CACNB3: variants seen among roughly 807,000 people sequenced by gnomAD.
The protein encoded by CACNB3 is calcium voltage-gated channel auxiliary subunit beta 3.
In CACNB3, 36 loss-of-function variants were observed where a neutral mutation model predicts 63.7. The observed-to-expected ratio is 0.57, with a 90% CI of 0.43 to 0.75. CACNB3 has a LOEUF of 0.75. Among genes scored for constraint, CACNB3 ranks in the 30% least tolerant of loss-of-function variants. The pLI, the probability that CACNB3 is intolerant of heterozygous loss-of-function variation, is 0.00. For missense variants in CACNB3, 493 were observed against 648.6 expected (o/e 0.76, Z 2.61); for synonymous variants, 241 against 250.6 (o/e 0.96, Z 0.36).
At position 48,826,364 on chromosome 12, in the gene CACNB3, T is replaced by A; in HGVS notation, c.743-3T>A. 6.2e-7 allele frequency: 1 copy of A among 1,614,096 alleles called. No individual in the cohort carries two copies. The highest frequency in any genetic ancestry group is 8.5e-7 in the Non-Finnish European group (1 of 1,180,008). ...TGAGCACTGCTGCTGCCTCCCTCCA[T>A]AGCGGAAGTGCAGAGTGAGATCGAG... On this transcript the variant is annotated splice_region_variant and splice_polypyrimidine_tract_variant and intron_variant, in intron 9 of 12. Coordinates refer to ENST00000301050, the MANE Select transcript of CACNB3 (RefSeq NM_000725.4). This position sits in a 1 kb window ranked among gnomAD's most constrained non-coding sequence, Gnocchi z 4.8.
chr12:48,824,784 A>G, intron 5 of CACNB3, 51 bp downstream of exon 5: 1 of 1,574,832 alleles, frequency 6.3e-7, no homozygotes, highest in Non-Finnish European at 8.7e-7. Flanking sequence ...GCTAAGACAC[A>G]GGGAAAGAGG....
chr12:48,827,474 C>T (rs988443838), intron 12 of CACNB3, 111 bp from the exon 13 acceptor site: 27 of 1,073,012 alleles, frequency 2.5e-5, no homozygotes, highest in Non-Finnish European at 3.5e-5. Context: ...TTTCCTTGCA[C>T]TATTTCCTTT....
In CACNB3 at chr12:48,818,674, G is replaced by A. The variant is rs1405820212; in HGVS notation, c.-256G>A. The A allele has an allele frequency of 1.6e-6, 2 of 1,216,412 alleles. No homozygotes were observed. The highest frequency in any genetic ancestry group is 2.0e-6 in the Non-Finnish European group (2 of 977,622). 75.4% of individuals were successfully genotyped at this position (1,216,412 alleles called of 1,614,324 possible). Reference sequence around the variant, plus strand: ...GGCGGGCACTATTGTTGTAGGAGCCGGCGCCAGATTCCTCAGCCGCGCTCG... The same window carrying A: ...GGCGGGCACTATTGTTGTAGGAGCCAGCGCCAGATTCCTCAGCCGCGCTCG... On this transcript the variant is annotated 5_prime_UTR_variant, in exon 1 of 13. Transcript: ENST00000301050. The surrounding 1 kb of genome is among the most constrained non-coding windows in gnomAD (Gnocchi z 4.3).
chr12:48,818,663 T>G lies in CACNB3; in HGVS notation c.-267T>G. ...GGGGTCAGGTGGGCGGGCACTATTG[T>G]TGTAGGAGCCGGCGCCAGATTCCTC... is the stretch of plus-strand genomic sequence containing the variant. On this transcript the variant is annotated 5_prime_UTR_variant, in exon 1 of 13. Transcript: ENST00000301050. The surrounding 1 kb of genome is among the most constrained non-coding windows in gnomAD (Gnocchi z 4.3). 1 of 1,187,148 alleles carries G rather than the reference T, an allele frequency of 8.4e-7. No homozygotes were observed. The allele number at this position is 1,187,148 out of a possible 1,614,324, so 73.5% of individuals were successfully genotyped here.
chr12:48,824,704 G>C lies in CACNB3; in HGVS notation c.443G>C (p.Gly148Ala). The stretch of plus-strand genomic sequence containing the variant: ...AACCCTTCCAGCCTGAGTGACATTG[G>C]CAACCGACGCTCCCCTCCGCCATCT... ...SGNPSSLSDI[G>A]NRRSPPPSLA... The change falls in exon 5 of 13, where the codon GGC becomes GCC. Residue 148 changes from glycine (G) to alanine (A), a missense_variant. Physicochemically the swap from Gly to Ala is moderately conservative, Grantham distance 60 (BLOSUM62 0). Coordinates refer to ENST00000301050, the MANE Select transcript of CACNB3 (RefSeq NM_000725.4). The C allele has an allele frequency of 6.2e-7, 1 of 1,613,482 alleles. No individual in the cohort carries two copies. The highest frequency in any genetic ancestry group is 8.5e-7 in the Non-Finnish European group (1 of 1,179,880).
At chr12:48,815,599 G>C (rs376246550), upstream of CACNB3, 2 of 1,531,828 alleles carry the variant, frequency 1.3e-6, no homozygotes, top group Non-Finnish European at 1.7e-6. Context: ...GCGTGCAGGC[G>C]GGAGCAGCGT....
rs1015324087 is a variant in CACNB3 at position 48,819,890 on chromosome 12, T to C, written c.45+916T>C. The C allele has an allele frequency of 6.2e-5, 20 of 322,976 alleles. No individual in the cohort carries two copies. The Admixed American group carries it at 7.4e-4, about 12-fold the overall frequency. 20.0% of individuals were successfully genotyped at this position (322,976 alleles called of 1,614,324 possible). ...AGTGCCTGGAAAGATGGGGCAAGAA[T>C]GCGGAGCAGCTTCTCAGCCCCTTGG... On this transcript the variant is annotated intron_variant, in intron 1 of 12. Transcript: ENST00000301050.
chr12:48,825,320 G>A lies in CACNB3; in HGVS notation c.573+77G>A. The A allele has an allele frequency of 1.3e-6, 2 of 1,565,672 alleles. No homozygotes were observed. The highest frequency in any genetic ancestry group is 1.8e-6 in the Non-Finnish European group (2 of 1,137,218). ...GGAAGTCCCTAGGGAAAGTGGAAGG[G>A]GTGTGTCTCCTCCGTCCAGGGTGTG... On this transcript the variant is annotated intron_variant, in intron 7 of 12. Transcript: ENST00000301050. This position sits in a 1 kb window ranked among gnomAD's most constrained non-coding sequence, Gnocchi z 4.5.
chr12:48,819,363 G>A (rs1032033886), intron 1 of CACNB3, among the ~76,000 whole-genome samples: 8 of 152,112 alleles, frequency 5.3e-5, no homozygotes, highest in African/African-American at 1.7e-4. Context: ...GAGAGCCGCC[G>A]AGGTGGTTGG....
Position 48,826,477 on chromosome 12 carries a change from C to G in CACNB3, c.853C>G (p.Leu285Val), listed in dbSNP as rs1381397964. The change falls in exon 10 of 13, where the codon CTG becomes GTG. Residue 285 changes from leucine to valine, a missense_variant. Transcript: ENST00000301050. The surrounding 1 kb of genome is among the most constrained non-coding windows in gnomAD (Gnocchi z 4.8). ...CCCAGCACAGCTGGCCAAGACCTCG[C>G]TGGCCCCCATCATCGTCTTTGTCAA... ...NHPAQLAKTS[L>V]APIIVFVKVS... 1 of 1,614,072 alleles carries G rather than the reference C, an allele frequency of 6.2e-7. No homozygotes were observed. Among genetic ancestry groups the G allele is most frequent in the Non-Finnish European group, 8.5e-7 (1 of 1,180,028 alleles).
In CACNB3 at chr12:48,825,434, G is replaced by A; in HGVS notation, c.574G>A (p.Val192Ile). Reference sequence around the variant, plus strand: ...TCATCAGTGCCATGCCTTCCCCCAGGTCACAGACATGATGCAGAAGGCTCT... The same window carrying A: ...TCATCAGTGCCATGCCTTCCCCCAGATCACAGACATGATGCAGAAGGCTCT... ...LVGPSLKGYE[V>I]TDMMQKALFD... is the part of the protein sequence containing the mutation. The change falls in exon 8 of 13, where the codon GTC becomes ATC. Residue 192 changes from valine to isoleucine, a missense_variant and splice_region_variant. Coordinates refer to ENST00000301050, the MANE Select transcript of CACNB3 (RefSeq NM_000725.4). The surrounding 1 kb of genome is among the most constrained non-coding windows in gnomAD (Gnocchi z 4.5). 1 of 1,614,158 alleles carries A rather than the reference G, an allele frequency of 6.2e-7. No individual in the cohort carries two copies.
chr12:48,818,715 G>T lies in CACNB3; in HGVS notation c.-215G>T. ...GCCGCGCTCGGGGTGGGACCGGCTGGGTTTGGGGGGGTGGGGTGGGGGGAG... is the reference window on the plus strand; with the variant it reads ...GCCGCGCTCGGGGTGGGACCGGCTGTGTTTGGGGGGGTGGGGTGGGGGGAG... On this transcript the variant is annotated 5_prime_UTR_variant, in exon 1 of 13. Coordinates refer to ENST00000301050, the MANE Select transcript of CACNB3 (RefSeq NM_000725.4). The surrounding 1 kb of genome is among the most constrained non-coding windows in gnomAD (Gnocchi z 4.3). The T allele has an allele frequency of 8.6e-7, 1 of 1,162,750 alleles. No individual in the cohort carries two copies. The highest frequency in any genetic ancestry group is 1.1e-6 in the Non-Finnish European group (1 of 911,544). 72.0% of individuals were successfully genotyped at this position (1,162,750 alleles called of 1,614,324 possible).
At chr12:48,815,734 CGTGGGGGGGGT>C, upstream of CACNB3, 1 of 604,378 alleles carries the variant, frequency 1.7e-6, no homozygotes, top group Non-Finnish European at 2.5e-6. Context: ...ACGAGGTAAC[CGTGGGGGGGGT>C]GTGGGGTCGT....
At position 48,825,210 on chromosome 12, in the gene CACNB3, G is replaced by A; in HGVS notation, c.540G>A (p.Val180=). 6.2e-7 allele frequency: 1 copy of A among 1,614,138 alleles called. No individual in the cohort carries two copies. Reference sequence around the variant, plus strand: ...ACGTGGTGCCCTCCATGCGGCCTGTGGTGCTGGTGGGACCCTCTCTGAAAG... The same window carrying A: ...ACGTGGTGCCCTCCATGCGGCCTGTAGTGCTGGTGGGACCCTCTCTGAAAG... ...PYDVVPSMRP[V]VLVGPSLKGY... is the part of the protein sequence containing the mutation. The change falls in exon 7 of 13, where the codon GTG becomes GTA. Residue 180 remains valine (V), a synonymous_variant. Coordinates refer to ENST00000301050, the MANE Select transcript of CACNB3 (RefSeq NM_000725.4). The surrounding 1 kb of genome is among the most constrained non-coding windows in gnomAD (Gnocchi z 4.5).
rs991382218 is a variant in CACNB3 at position 48,818,508 on chromosome 12, C to A, written c.-422C>A. The A allele has an allele frequency of 5.0e-6, 5 of 1,004,608 alleles. No individual in the cohort carries two copies. The highest frequency in any genetic ancestry group is 1.0e-4 in the East Asian group (1 of 9,818). 62.2% of individuals were successfully genotyped at this position (1,004,608 alleles called of 1,614,324 possible). A position where few individuals can be genotyped will look rare whatever the true frequency, so the allele number is the denominator to read the frequency against. ...CGCAGCCTCTCCTCCCCTTCCTCCCCGCCGCCACGGCCCCGTAGGTGCTCG... is the reference window on the plus strand; with the variant it reads ...CGCAGCCTCTCCTCCCCTTCCTCCCAGCCGCCACGGCCCCGTAGGTGCTCG... On this transcript the variant is annotated 5_prime_UTR_variant, in exon 1 of 13. Coordinates refer to ENST00000301050, the MANE Select transcript of CACNB3 (RefSeq NM_000725.4). The surrounding 1 kb of genome is among the most constrained non-coding windows in gnomAD (Gnocchi z 4.3).
At position 48,823,517 on chromosome 12, in the gene CACNB3, C is replaced by G; in HGVS notation, c.168+51C>G. 1.9e-6 allele frequency: 3 copies of G among 1,604,868 alleles called. No homozygotes were observed. The highest frequency in any genetic ancestry group is 2.6e-6 in the Non-Finnish European group (3 of 1,175,084). On this transcript the variant is annotated intron_variant, in intron 2 of 12. Coordinates refer to ENST00000301050, the MANE Select transcript of CACNB3 (RefSeq NM_000725.4). The surrounding 1 kb of genome is among the most constrained non-coding windows in gnomAD (Gnocchi z 4.2). ...ACAGGAGGCCAAGCTAGGTGGAAAC[C>G]TGCACTCGGTCCTAAGTCCCAAGGG...
upstream of CACNB3, chr12:48,815,784 G>T (rs1048538675): frequency 2.7e-6 from 3 of 1,111,308 alleles, no homozygotes; most frequent in Admixed American, 6.0e-5. Flanking sequence ...TGGGTGGGAG[G>T]AGAGCTCCGC....
At position 48,825,105 on chromosome 12, in the gene CACNB3, C is replaced by T; in HGVS notation, c.493-58C>T. On this transcript the variant is annotated intron_variant, in intron 6 of 12. Transcript: ENST00000301050. The surrounding 1 kb of genome is among the most constrained non-coding windows in gnomAD (Gnocchi z 4.5). The stretch of plus-strand genomic sequence containing the variant: ...CCTCTGGATCTGCCCTGACGCCAAC[C>T]AGGCATGAGACAGGCACCAGGGCCA... 6.3e-7 allele frequency: 1 copy of T among 1,599,132 alleles called. No individual in the cohort carries two copies. Among genetic ancestry groups the T allele is most frequent in the Non-Finnish European group, 8.6e-7 (1 of 1,166,688 alleles).
chr12:48,816,736 T>G (rs1019247585), upstream of CACNB3: 1 of 491,596 alleles, frequency 2.0e-6, no homozygotes. Context: ...GAAGGAGTGC[T>G]GCCGATGGCA....
Sources: gnomAD v4.1 joint callset for allele counts (sites outside exome capture counted in the v4.1 genomes callset) on GRCh38, gnomAD v4.1.1 for gene constraint, Gnocchi (gnomAD v3.1) non-coding constraint, MANE v1.5 for transcripts, NCBI Gene and HGNC (gene_info 2026-07-23, HGNC 2026-07-21) for gene names.